GALNT14: variants seen among roughly 807,000 people sequenced by gnomAD.
GALNT14 encodes UDP-GalNAc:polypeptide N-acetylgalactosaminyltransferase 14.
GALNT14 carries 60 observed loss-of-function variants against 77.5 expected under a neutral mutation model. That is an observed-to-expected ratio of 0.77 (90% CI 0.63 to 0.96). GALNT14 has a LOEUF of 0.96. Among genes scored for constraint, GALNT14 ranks in the 40% least tolerant of loss-of-function variants. GALNT14 has a pLI of 0.00. For missense variants in GALNT14, 710 were observed against 731.0 expected (o/e 0.97, Z 0.33); for synonymous variants, 280 against 281.7 (o/e 0.99, Z 0.06).
chr2:30,949,894 T>A (rs1200935549), intron 6 of GALNT14, among the ~76,000 whole-genome samples: 1 of 151,688 alleles, frequency 6.6e-6, no homozygotes, highest in Non-Finnish European at 1.5e-5. Context: ...AAGGGAGGGG[T>A]GGGGAACACA....
intron 1 of GALNT14, among the ~76,000 whole-genome samples, chr2:31,113,037 T>C (rs934555730): frequency 2.6e-5 from 4 of 152,200 alleles, no homozygotes; most frequent in Non-Finnish European, 2.9e-5. Context: ...ACCCCTCTCT[T>C]AGACTGTGGC....
chr2:31,001,099 C>T (rs886115549), intron 1 of GALNT14, among the ~76,000 whole-genome samples: 2 of 152,116 alleles, frequency 1.3e-5, no homozygotes, highest in South Asian at 2.1e-4. Flanking sequence ...CTGGAGTTCT[C>T]GTCTCCATGT....
chr2:30,905,921 A>G (rs1370888827), downstream of GALNT14, among the ~76,000 whole-genome samples: 2 of 150,556 alleles, frequency 1.3e-5, no homozygotes, highest in Admixed American at 6.6e-5. Flanking sequence ...ATTCTTAAAG[A>G]AAAGAATTTT....
intron 1 of GALNT14, among the ~76,000 whole-genome samples, chr2:31,100,154 C>T (rs1316554755): frequency 2.0e-5 from 3 of 151,908 alleles, no homozygotes; most frequent in Admixed American, 6.6e-5. Flanking sequence ...TAAAAATATA[C>T]GGTAAGTCCT....
At chr2:31,047,155 T>C (rs1395399511) in intron 1 of GALNT14, among the ~76,000 whole-genome samples, 2 of 152,074 alleles carry the variant, frequency 1.3e-5, no homozygotes, top group African/African-American at 4.8e-5. Flanking sequence ...TAGGAGAACA[T>C]AGACCAGGGC....
the GALNT14 span, among the ~76,000 whole-genome samples, chr2:30,904,369 G>T: frequency 6.6e-6 from 1 of 152,226 alleles, no homozygotes; most frequent in Non-Finnish European, 1.5e-5. Flanking sequence ...TGTGCGAGCC[G>T]AAGCAGGGCG....
chr2:31,000,844 T>A (rs142529381), intron 1 of GALNT14, among the ~76,000 whole-genome samples: 2 of 152,274 alleles, frequency 1.3e-5, no homozygotes, highest in Non-Finnish European at 2.9e-5. Flanking sequence ...CATATAAAAT[T>A]AACCATCACA....
At chr2:31,030,355 C>G in intron 1 of GALNT14, among the ~76,000 whole-genome samples, 1 of 151,996 alleles carries the variant, frequency 6.6e-6, no homozygotes, top group Non-Finnish European at 1.5e-5. Context: ...AAAATCAAGG[C>G]ATTTGATTTT....
intron 1 of GALNT14, chr2:31,125,391 CTTAT>C: frequency 1.5e-6 from 1 of 666,998 alleles, no homozygotes; most frequent in Non-Finnish European, 2.6e-6. Context: ...TGAAAGAGCC[CTTAT>C]TTCTTCCCTG....
chr2:30,908,438 T>G (rs369538709), downstream of GALNT14, among the ~76,000 whole-genome samples: 38,419 of 138,314 alleles, frequency 0.28, 4,199 homozygotes, highest in South Asian at 0.31. Flanking sequence ...AGCCAAATCA[T>G]GAGTGAACTC....
At chr2:31,116,400 G>C (rs1480117164) in intron 1 of GALNT14, among the ~76,000 whole-genome samples, 1 of 151,976 alleles carries the variant, frequency 6.6e-6, no homozygotes, top group African/African-American at 2.4e-5. Flanking sequence ...AGAGTTATAC[G>C]TAATTTATAA....
chr2:31,104,306 A>G (rs1677438910), intron 1 of GALNT14, among the ~76,000 whole-genome samples: 1 of 152,202 alleles, frequency 6.6e-6, no homozygotes, highest in Admixed American at 6.5e-5. Flanking sequence ...AGATGGTGAC[A>G]TTTTATATTT....
At chr2:30,989,678 A>AT (rs1208131568) in intron 2 of GALNT14, among the ~76,000 whole-genome samples, 8 of 108,332 alleles carry the variant, frequency 7.4e-5, no homozygotes, top group Non-Finnish European at 1.6e-4. Context: ...TAGTATATAT[A>AT]AAAAATATAT....
At chr2:30,971,294 A>G (rs563907039) in intron 2 of GALNT14, among the ~76,000 whole-genome samples, 2 of 152,190 alleles carry the variant, frequency 1.3e-5, no homozygotes, top group East Asian at 3.9e-4. Context: ...CAGACGAGCA[A>G]GTACGTTGAT....
Position 31,138,385 on chromosome 2 carries a change from ACCGCGGCTGCCGCCG to A in GALNT14, c.-314_-300del, listed in dbSNP as rs1679327193. ...CTGCCGAGATGTTCCCCACGCCGCC[ACCGCGGCTGCCGCCG>A]CCGCCGCCGCCGCCTTGCCCGCTGC... On this transcript the variant is annotated 5_prime_UTR_variant, in exon 1 of 15. Transcript: ENST00000349752. 1.1e-5 allele frequency: 4 copies of A among 348,358 alleles called. No individual in the cohort carries two copies. In the South Asian group the frequency reaches 1.4e-4, roughly 12 times the overall value. The allele number at this position is 348,358 out of a possible 1,614,324, so 21.6% of individuals were successfully genotyped here. A position where few individuals can be genotyped will look rare whatever the true frequency, so the allele number is the denominator to read the frequency against.
At chr2:30,939,523 T>C (rs544668501) in intron 9 of GALNT14, among the ~76,000 whole-genome samples, 1 of 151,390 alleles carries the variant, frequency 6.6e-6, no homozygotes, top group African/African-American at 2.4e-5. Context: ...AGCTGAGGAG[T>C]GTGAGTCTCC....
chr2:30,977,026 A>C (rs1011214369), intron 2 of GALNT14, among the ~76,000 whole-genome samples: 9 of 151,728 alleles, frequency 5.9e-5, no homozygotes, highest in African/African-American at 2.2e-4. Flanking sequence ...GCTCCACGAG[A>C]ATGCCCTTTG....
intron 1 of GALNT14, among the ~76,000 whole-genome samples, chr2:31,104,832 T>A (rs1027564450): frequency 9.9e-5 from 15 of 152,220 alleles, no homozygotes; most frequent in South Asian, 2.1e-4. Flanking sequence ...CCACCACTAG[T>A]GATGTTAACC....
At chr2:31,073,464 A>G (rs1675552465) in intron 1 of GALNT14, among the ~76,000 whole-genome samples, 2 of 136,588 alleles carry the variant, frequency 1.5e-5, no homozygotes, top group South Asian at 4.7e-4. Flanking sequence ...CTATGACAAA[A>G]ATTAAATTTG....
Sources: gnomAD v4.1 joint callset for allele counts (sites outside exome capture counted in the v4.1 genomes callset) on GRCh38, gnomAD v4.1.1 for gene constraint, MANE v1.5 for transcripts, NCBI Gene and HGNC (gene_info 2026-07-23, HGNC 2026-07-21) for gene names.